Variants in ATXN2L observed in about 807,000 individuals in gnomAD.
ATXN2L encodes the protein ataxin 2 like, also known as ataxin-2-like protein.
A neutral mutation model predicts 120.7 loss-of-function variants in ATXN2L; 24 were observed. That is an observed-to-expected ratio of 0.20 (90% CI 0.14 to 0.28). The LOEUF is 0.28. Among genes scored for constraint, ATXN2L ranks in the 10% least tolerant of loss-of-function variants. The pLI is 1.00. For synonymous variants in ATXN2L, 653 were observed against 568.1 expected (o/e 1.15, Z -2.13); for missense variants, 1,312 against 1,432.3 (o/e 0.92, Z 1.36).
Position 28,835,879 on chromosome 16 carries a change from A to C in ATXN2L, c.2896-54A>C, listed in dbSNP as rs569875920. 4.5e-5 allele frequency: 71 copies of C among 1,567,908 alleles called. 1 individual carries two copies. The East Asian group carries it at 1.5e-3, about 34-fold the overall frequency. Reference sequence around the variant, plus strand: ...ATAGTGCTCCCTAACTCTGGCTCTCAGAGTCTGTTTCAGGATTCTGTGGTC... The same window carrying C: ...ATAGTGCTCCCTAACTCTGGCTCTCCGAGTCTGTTTCAGGATTCTGTGGTC... On this transcript the variant is annotated intron_variant, in intron 21 of 21. Transcript: ENST00000336783.
intron 5 of ATXN2L, 91 bp from the exon 6 acceptor site, chr16:28,826,771 T>G (rs1490188644): frequency 1.4e-6 from 2 of 1,416,054 alleles, no homozygotes; most frequent in Non-Finnish European, 1.9e-6. Context: ...ACTTTGTTCC[T>G]GAACTACTTA....
Position 28,825,640 on chromosome 16 carries a change from A to G in ATXN2L, c.353A>G (p.Tyr118Cys). 2.5e-6 allele frequency: 4 copies of G among 1,614,232 alleles called. No individual in the cohort carries two copies. Among genetic ancestry groups the G allele is most frequent in the East Asian group, 2.2e-5 (1 of 44,890 alleles). ...PPQSPVFEGVYNNSRMLHFLT... is the reference protein window; with the variant it reads ...PPQSPVFEGVCNNSRMLHFLT... Reference sequence around the variant, plus strand: ...AACTGACAGGTGTTTGAAGGCGTCTACAACAATTCCAGAATGCTGCATTTC... The same window carrying G: ...AACTGACAGGTGTTTGAAGGCGTCTGCAACAATTCCAGAATGCTGCATTTC... Residue 118 changes from tyrosine to cysteine, a missense_variant, in exon 3 of 22, where the codon TAC (tyrosine) becomes TGC (cysteine). Physicochemically the swap from Tyr to Cys is radical, Grantham distance 194. Coordinates refer to ENST00000336783, the MANE Select transcript of ATXN2L (RefSeq NM_007245.4).
rs1425974260 is a variant in ATXN2L, at chr16:28,833,338, G to A, written c.1939G>A (p.Glu647Lys). The A allele has an allele frequency of 2.5e-6, 4 of 1,613,396 alleles. No homozygotes were observed. In the South Asian group the frequency reaches 3.3e-5, roughly 13 times the overall value. Residue 647 changes from glutamate to lysine, a missense_variant, in exon 14 of 22, where the codon GAG becomes AAG. Transcript: ENST00000336783. ...VGLIKGEDKD[E>K]GPVAEQVKKS... ...CCTCATCAAGGGAGAAGACAAAGAT[G>A]AGGGCCCTGTTGCTGAGTGAGTGGA...
Position 28,823,032 on chromosome 16 carries a change from C to T in ATXN2L, c.-228C>T, listed in dbSNP as rs1342740266. The T allele has an allele frequency of 2.9e-5, 8 of 279,920 alleles. No homozygotes were observed. The highest frequency in any genetic ancestry group is 2.7e-4 in the Admixed American group (5 of 18,616). 17.3% of individuals were successfully genotyped at this position (279,920 alleles called of 1,614,324 possible). A position where few individuals can be genotyped will look rare whatever the true frequency, so the allele number is the denominator to read the frequency against. On this transcript the variant is annotated 5_prime_UTR_variant, in exon 1 of 22. Transcript: ENST00000336783. ...GCACGCGCGCCAGCCCGGCTCGCGCCCTCTCGCTTTCCTCCAGCCGCGAGA... is the reference window on the plus strand; with the variant it reads ...GCACGCGCGCCAGCCCGGCTCGCGCTCTCTCGCTTTCCTCCAGCCGCGAGA...
At chr16:28,826,664 A>C (rs1256381811) in intron 5 of ATXN2L, 198 bp from the exon 6 acceptor site, 14 of 674,686 alleles carry the variant, frequency 2.1e-5, no homozygotes, top group Non-Finnish European at 3.0e-5. Flanking sequence ...TTTTCTTTGG[A>C]ATCATAGTAC....
chr16:28,828,431 A>G (rs1024330300), intron 6 of ATXN2L, among the ~76,000 whole-genome samples: 4 of 152,090 alleles, frequency 2.6e-5, no homozygotes, highest in Non-Finnish European at 4.4e-5. Context: ...TACTAAAAAT[A>G]CAAAATTAGC....
In ATXN2L at chr16:28,836,753, C is replaced by T. The variant is rs772388995; in HGVS notation, c.*488C>T. 2 of 1,614,038 alleles carry T rather than the reference C, an allele frequency of 1.2e-6. No homozygotes were observed. Among genetic ancestry groups the T allele is most frequent in the African/African-American group, 1.3e-5 (1 of 74,996 alleles). On this transcript the variant is annotated 3_prime_UTR_variant, in exon 22 of 22. Coordinates refer to ENST00000336783, the MANE Select transcript of ATXN2L (RefSeq NM_007245.4). ...TTCAATCTCATCCCTCCCAGCAGCT[C>T]CCCTTCCACCCCCCGGGGAACTGAA...
chr16:28,836,038 C>A lies in ATXN2L; in HGVS notation c.3001C>A (p.Pro1001Thr), dbSNP rs771419065. ...LHPPQSHGGP[P>T]QGAVPQSGVP... ...CCCACCCCAGAGTCATGGGGGGCCCCCCCAAGGCGCGGTGCCCCAGAGTGG... is the reference window on the plus strand; with the variant it reads ...CCCACCCCAGAGTCATGGGGGGCCCACCCAAGGCGCGGTGCCCCAGAGTGG... Residue 1001 changes from proline (P) to threonine (T), a missense_variant, in exon 22 of 22, where the codon CCC (proline) becomes ACC (threonine). Coordinates refer to ENST00000336783, the MANE Select transcript of ATXN2L (RefSeq NM_007245.4). 2 of 1,595,780 alleles carry A rather than the reference C, an allele frequency of 1.3e-6. No individual in the cohort carries two copies. Among genetic ancestry groups the A allele is most frequent in the Non-Finnish European group, 1.7e-6 (2 of 1,169,232 alleles).
Position 28,829,420 on chromosome 16 carries a change from A to G in ATXN2L, c.761A>G (p.Asn254Ser), listed in dbSNP as rs375041014. 2.6e-5 allele frequency: 42 copies of G among 1,613,238 alleles called. No homozygotes were observed. The highest frequency in any genetic ancestry group is 1.3e-4 in the African/African-American group (10 of 74,992). ...CCCCAGTCCAATGGATGGGACCCCA[A>G]TGAAATGTTCAAGTTCAATGAGGAG... ...ESDMSNGWDP[N>S]EMFKFNEENY... The change falls in exon 7 of 22, where the codon AAT becomes AGT. Residue 254 changes from asparagine (N) to serine (S), a missense_variant. Physicochemically the swap from Asn to Ser is conservative, Grantham distance 46 (BLOSUM62 1). Coordinates refer to ENST00000336783, the MANE Select transcript of ATXN2L (RefSeq NM_007245.4).
Position 28,829,493 on chromosome 16 carries a change from G to A in ATXN2L, c.833+1G>A, listed in dbSNP as rs1241144522. On this transcript the variant is annotated splice_donor_variant, in intron 7 of 21. Transcript: ENST00000336783. LOFTEE classifies it high-confidence loss of function. Reference sequence around the variant, plus strand: ...ATGATAGCAGTCTTTCTTCTTATACGTGAGTATCTTGGTGCTCTCCAGGTG... The same window carrying A: ...ATGATAGCAGTCTTTCTTCTTATACATGAGTATCTTGGTGCTCTCCAGGTG... 1 of 1,588,240 alleles carries A rather than the reference G, an allele frequency of 6.3e-7. No individual in the cohort carries two copies. The highest frequency in any genetic ancestry group is 1.3e-5 in the African/African-American group (1 of 74,344).
At position 28,830,605 on chromosome 16, in the gene ATXN2L, C is replaced by G. The variant is rs1025933124; in HGVS notation, c.1035-10C>G. The G allele has an allele frequency of 6.4e-7, 1 of 1,551,382 alleles. No individual in the cohort carries two copies. The highest frequency in any genetic ancestry group is 8.7e-7 in the Non-Finnish European group (1 of 1,148,886). ...GTGGCTACCTGGCCTTATTTGAACT[C>G]TTTCCTCAGGGAGGGGAAGTATATC... is the stretch of plus-strand genomic sequence containing the variant. On this transcript the variant is annotated splice_polypyrimidine_tract_variant and intron_variant, in intron 8 of 21. Transcript: ENST00000336783.
chr16:28,826,067 G>T, intron 4 of ATXN2L, 173 bp from the exon 5 acceptor site: 1 of 853,384 alleles, frequency 1.2e-6, no homozygotes. Context: ...AAGTCCTGTG[G>T]CTGATGTTGA....
At chr16:28,824,413 C>T in intron 1 of ATXN2L, 2 of 1,280,452 alleles carry the variant, frequency 1.6e-6, no homozygotes, top group Non-Finnish European at 2.0e-6. Context: ...CCGGGCGAGG[C>T]CTCCCGGTGG....
chr16:28,833,371 G>A lies in ATXN2L; in HGVS notation c.1955+17G>A. Reference sequence around the variant, plus strand: ...TGTTGCTGAGTGAGTGGAGCGGGGTGGGGCTCTGGGAGGATGGCAGGAGGG... The same window carrying A: ...TGTTGCTGAGTGAGTGGAGCGGGGTAGGGCTCTGGGAGGATGGCAGGAGGG... On this transcript the variant is annotated intron_variant, in intron 14 of 21. Coordinates refer to ENST00000336783, the MANE Select transcript of ATXN2L (RefSeq NM_007245.4). 6.2e-7 allele frequency: 1 copy of A among 1,613,682 alleles called. No homozygotes were observed. The highest frequency in any genetic ancestry group is 8.5e-7 in the Non-Finnish European group (1 of 1,179,636).
chr16:28,836,537 G>A lies in ATXN2L; in HGVS notation c.*272G>A. On this transcript the variant is annotated 3_prime_UTR_variant, in exon 22 of 22. Coordinates refer to ENST00000336783, the MANE Select transcript of ATXN2L (RefSeq NM_007245.4). ...AGACTGGGGTGTGGGGGGCTGAGCTGGGCACATGAGTGAGGGCTCTGGCTT... is the reference window on the plus strand; with the variant it reads ...AGACTGGGGTGTGGGGGGCTGAGCTAGGCACATGAGTGAGGGCTCTGGCTT... 1 of 1,584,990 alleles carries A rather than the reference G, an allele frequency of 6.3e-7. No homozygotes were observed. Among genetic ancestry groups the A allele is most frequent in the Non-Finnish European group, 8.6e-7 (1 of 1,167,600 alleles).
intron 10 of ATXN2L, 69 bp from the exon 11 acceptor site, chr16:28,832,136 G>A (rs2054723418): frequency 1.3e-6 from 2 of 1,535,382 alleles, no homozygotes; most frequent in African/African-American, 1.4e-5. Context: ...TTGCTGTTTT[G>A]AGTAAGGCCC....
Position 28,823,300 on chromosome 16 carries a change from A to G in ATXN2L, c.41A>G (p.Gln14Arg). The G allele has an allele frequency of 6.7e-7, 1 of 1,492,574 alleles. No homozygotes were observed. Among genetic ancestry groups the G allele is most frequent in the Non-Finnish European group, 8.9e-7 (1 of 1,122,424 alleles). The allele number at this position is 1,492,574 out of a possible 1,614,324, so 92.5% of individuals were successfully genotyped here. A position where few individuals can be genotyped will look rare whatever the true frequency, so the allele number is the denominator to read the frequency against. Residue 14 changes from glutamine to arginine, a missense_variant, in exon 1 of 22, where the codon CAG becomes CGG. Coordinates refer to ENST00000336783, the MANE Select transcript of ATXN2L (RefSeq NM_007245.4). Reference sequence around the variant, plus strand: ...CCGCTACAACAGCCCTCCCAGCCCCAGCAGCCGCCCCCCACGCAACAGGCC... The same window carrying G: ...CCGCTACAACAGCCCTCCCAGCCCCGGCAGCCGCCCCCCACGCAACAGGCC... ...PQPLQQPSQP[Q>R]QPPPTQQAVA...
At chr16:28,832,925 G>A in intron 13 of ATXN2L, 38 bp downstream of exon 13, 3 of 1,610,956 alleles carry the variant, frequency 1.9e-6, no homozygotes, top group Non-Finnish European at 2.5e-6. Context: ...GCAGGGTAAA[G>A]GGGTTGGGAG....
intron 1 of ATXN2L, chr16:28,824,379 T>G: frequency 8.0e-7 from 1 of 1,248,884 alleles, no homozygotes; most frequent in Non-Finnish European, 1.0e-6. Context: ...GAAAGTCCCG[T>G]GGGTTTTAGT....
Sources: allele counts gnomAD v4.1 joint callset (sites outside exome capture counted in the v4.1 genomes callset), GRCh38; gene constraint gnomAD v4.1.1; transcripts MANE v1.5; gene names NCBI Gene and HGNC (gene_info 2026-07-23, HGNC 2026-07-21).